The following B3GLCT variants were observed in gnomAD, a reference collection of about 807,000 sequenced individuals.
B3GLCT encodes the protein beta 3-glucosyltransferase.
Under a neutral mutation model 63.4 loss-of-function variants are expected in B3GLCT, and 65 were observed. That is an observed-to-expected ratio of 1.03 (90% CI 0.84 to 1.26). B3GLCT has a LOEUF of 1.26. Ranked by LOEUF, B3GLCT falls within the 50% of genes most tolerant of loss-of-function variation. B3GLCT has a pLI of 0.00. For missense variants in B3GLCT, 577 were observed against 604.8 expected, an observed-to-expected ratio of 0.95 and a Z score of 0.48; for synonymous variants, 233 against 219.2, an observed-to-expected ratio of 1.06 and a Z score of -0.55.
rs141424154 is a variant in B3GLCT at position 31,326,814 on chromosome 13, T to C, written c.1330-2687T>C. Among the ~76,000 whole-genome samples the C allele has an allele frequency of 7.7e-3, 1,178 of 152,324 alleles. 15 individuals carry two copies. The highest frequency in any genetic ancestry group is 0.027 in the African/African-American group (1,133 of 41,550). ...CTGGTTTTGTCTAATGCTTTTCCAT[T>C]ACCTCATTTGTCAAAAATGACCAGT... On this transcript the variant is annotated intron_variant, in intron 14 of 14. Transcript: ENST00000343307.
chr13:31,275,168 T>C (rs1223373134), intron 9 of B3GLCT, among the ~76,000 whole-genome samples: 1 of 152,250 alleles, frequency 6.6e-6, no homozygotes, highest in Non-Finnish European at 1.5e-5. Context: ...GCACTTTACA[T>C]ACTAAAAAGA....
chr13:31,214,549 G>A, intron 1 of B3GLCT, among the ~76,000 whole-genome samples: 1 of 152,134 alleles, frequency 6.6e-6, no homozygotes, highest in Non-Finnish European at 1.5e-5. Flanking sequence ...TTCTGTGCTT[G>A]CTGGTAGCAG....
intron 1 of B3GLCT, among the ~76,000 whole-genome samples, chr13:31,203,467 G>GT (rs1378607648): frequency 1.3e-5 from 2 of 152,160 alleles, no homozygotes; most frequent in Admixed American, 6.5e-5. Flanking sequence ...CGAAGGAGGT[G>GT]CTTTGACCCC....
Position 31,199,985 on chromosome 13 carries a change from C to A in B3GLCT, c.-100C>A. Reference sequence around the variant, plus strand: ...AGGAGGGGAGCCGGCAGAGAAGGGTCAGCCGCGGCGGCAGGGCGGCGGCGG... The same window carrying A: ...AGGAGGGGAGCCGGCAGAGAAGGGTAAGCCGCGGCGGCAGGGCGGCGGCGG... On this transcript the variant is annotated 5_prime_UTR_variant, in exon 1 of 15. Transcript: ENST00000343307. The A allele has an allele frequency of 1.5e-6, 1 of 675,848 alleles. No homozygotes were observed. Among genetic ancestry groups the A allele is most frequent in the Non-Finnish European group, 2.0e-6 (1 of 502,594 alleles). The allele number at this position is 675,848 out of a possible 1,614,324, so 41.9% of individuals were successfully genotyped here.
intron 4 of B3GLCT, among the ~76,000 whole-genome samples, chr13:31,238,834 A>G (rs1411697679): frequency 6.6e-6 from 1 of 152,232 alleles, no homozygotes; most frequent in African/African-American, 2.4e-5. Flanking sequence ...TATATTAGTC[A>G]TTTTTGAATG....
chr13:31,291,955 C>T (rs576027354), intron 12 of B3GLCT, among the ~76,000 whole-genome samples: 1 of 152,246 alleles, frequency 6.6e-6, no homozygotes, highest in East Asian at 1.9e-4. Context: ...GTGGGTTTGT[C>T]ATAAATAGCT....
intron 12 of B3GLCT, among the ~76,000 whole-genome samples, chr13:31,293,919 T>G (rs898597174): frequency 1.3e-5 from 2 of 152,240 alleles, no homozygotes; most frequent in African/African-American, 4.8e-5. Flanking sequence ...CTTTACAATT[T>G]GATATGTTTT....
In B3GLCT at chr13:31,220,215, C is replaced by T. The variant is rs188304923; in HGVS notation, c.121-2737C>T. Among the ~76,000 whole-genome samples the T allele has an allele frequency of 3.4e-4, 52 of 152,214 alleles. No homozygotes were observed. In the East Asian group the frequency reaches 9.7e-3, roughly 28 times the overall value. On this transcript the variant is annotated intron_variant, in intron 2 of 14. Coordinates refer to ENST00000343307, the MANE Select transcript of B3GLCT (RefSeq NM_194318.4). ...TAAAAGATTCCATATAAAATTCTTTCGAGGGTGTCATATCTTCTTTTAATG... is the reference window on the plus strand; with the variant it reads ...TAAAAGATTCCATATAAAATTCTTTTGAGGGTGTCATATCTTCTTTTAATG...
At chr13:31,216,579 T>A (rs1869575642) in intron 2 of B3GLCT, among the ~76,000 whole-genome samples, 1 of 152,166 alleles carries the variant, frequency 6.6e-6, no homozygotes, top group Non-Finnish European at 1.5e-5. Flanking sequence ...AATAGGTAGT[T>A]TTTCAATCCT....
intron 12 of B3GLCT, among the ~76,000 whole-genome samples, chr13:31,306,560 T>C (rs1473534443): frequency 9.0e-6 from 1 of 111,198 alleles, no homozygotes; most frequent in Non-Finnish European, 1.8e-5. Flanking sequence ...AGCCAAATCA[T>C]GAGTGAACTC....
chr13:31,327,080 C>T (rs1292335600), intron 14 of B3GLCT, among the ~76,000 whole-genome samples: 3 of 152,124 alleles, frequency 2.0e-5, no homozygotes, highest in Non-Finnish European at 2.9e-5. Context: ...CCACAATCCC[C>T]CCAGTGGATG....
chr13:31,292,495 A>G (rs988204425), intron 12 of B3GLCT, among the ~76,000 whole-genome samples: 8 of 152,098 alleles, frequency 5.3e-5, no homozygotes, highest in Admixed American at 2.0e-4. Context: ...AGAACTTGTT[A>G]TTGGTCTATT....
chr13:31,265,731 C>T (rs578178199), intron 7 of B3GLCT, among the ~76,000 whole-genome samples: 1 of 152,314 alleles, frequency 6.6e-6, no homozygotes, highest in South Asian at 2.1e-4. Flanking sequence ...GACACTGTTT[C>T]TGGTTTTCTC....
intron 11 of B3GLCT, among the ~76,000 whole-genome samples, chr13:31,286,213 C>T (rs1873324109): frequency 6.6e-6 from 1 of 152,164 alleles, no homozygotes; most frequent in Non-Finnish European, 1.5e-5. Flanking sequence ...GTGCTTAGTA[C>T]CTGCCACAGT....
intron 13 of B3GLCT, among the ~76,000 whole-genome samples, chr13:31,319,851 C>G (rs189087822): frequency 2.2e-4 from 34 of 152,324 alleles, no homozygotes; most frequent in Non-Finnish European, 3.8e-4. Flanking sequence ...TCCAATGTCC[C>G]CCTCTCAGGG....
intron 8 of B3GLCT, among the ~76,000 whole-genome samples, chr13:31,273,274 T>A (rs1358740652): frequency 6.6e-6 from 1 of 151,998 alleles, no homozygotes. Context: ...TTTGTATTTT[T>A]AAGTAAAGAT....
intron 3 of B3GLCT, among the ~76,000 whole-genome samples, chr13:31,226,017 G>A (rs1014564923): frequency 2.6e-5 from 4 of 152,220 alleles, no homozygotes; most frequent in African/African-American, 9.6e-5. Context: ...CACTCAGGGA[G>A]ACTGCAGAGA....
intron 3 of B3GLCT, among the ~76,000 whole-genome samples, chr13:31,228,486 G>A (rs574930040): frequency 6.6e-6 from 1 of 152,298 alleles, no homozygotes; most frequent in South Asian, 2.1e-4. Flanking sequence ...TGACATCAAG[G>A]TGTGGGCAGG....
At position 31,329,671 on chromosome 13, in the gene B3GLCT, C is replaced by G; in HGVS notation, c.*3C>G. ...AAGGTTTTCGAGAGGAGTTATAAAT[C>G]AGGGTGACCTGTGCGCCTAGCCTGC... is the stretch of plus-strand genomic sequence containing the variant. On this transcript the variant is annotated 3_prime_UTR_variant, in exon 15 of 15. Transcript: ENST00000343307. The G allele has an allele frequency of 6.2e-7, 1 of 1,614,112 alleles. No homozygotes were observed. The highest frequency in any genetic ancestry group is 8.5e-7 in the Non-Finnish European group (1 of 1,179,994).
Sources: gnomAD v4.1 joint callset for allele counts (sites outside exome capture counted in the v4.1 genomes callset) on GRCh38, gnomAD v4.1.1 for gene constraint, MANE v1.5 for transcripts, NCBI Gene and HGNC (gene_info 2026-07-23, HGNC 2026-07-21) for gene names.